Variants in EPHB3 observed in about 807,000 individuals in gnomAD.
EPHB3 encodes ephrin type-B receptor 3.
Under a neutral mutation model 100.2 loss-of-function variants are expected in EPHB3, and 33 were observed. That is an observed-to-expected ratio of 0.33 (90% confidence interval 0.25 to 0.44). The LOEUF (loss-of-function observed/expected upper bound fraction) is 0.44. Among genes scored for constraint, EPHB3 ranks in the 20% least tolerant of loss-of-function variants. The pLI is 1.00. For missense variants in EPHB3, 1,045 were observed against 1,378.3 expected (o/e 0.76, Z 3.83); for synonymous variants, 526 against 554.7 (o/e 0.95, Z 0.73).
At position 184,579,513 on chromosome 3, in the gene EPHB3, C is replaced by T. The variant is rs147540989; in HGVS notation, c.1838C>T (p.Thr613Ile). The change falls in exon 10 of 16, where the codon ACC becomes ATC. Residue 613 changes from threonine to isoleucine, a missense_variant. Physicochemically the swap from Thr to Ile is moderately conservative, Grantham distance 89. Around this residue, in one of 2 missense-constraint regions of EPHB3, gnomAD observed 985 missense variants for 1,331.1 expected, o/e 0.74. Transcript: ENST00000330394. The surrounding 1 kb of genome is among the most constrained non-coding windows in gnomAD (Gnocchi z 5.2). ...ATGAAGGTTTATATTGACCCTTTTA[C>T]CTACGAGGACCCTAATGAGGCTGTT... is the stretch of plus-strand genomic sequence containing the variant. Reference protein sequence around the residue: ...PGMKVYIDPFTYEDPNEAVRE... With the variant: ...PGMKVYIDPFIYEDPNEAVRE... 161 of 1,614,030 alleles carry T rather than the reference C, an allele frequency of 1.0e-4. 2 individuals carry two copies. The African/African-American group carries it at 2.0e-3, about 20-fold the overall frequency.
In EPHB3 at chr3:184,577,933, C is replaced by T. The variant is rs775751510; in HGVS notation, c.1675C>T (p.Leu559Phe). 1.2e-6 allele frequency: 2 copies of T among 1,614,080 alleles called. No homozygotes were observed. Among genetic ancestry groups the T allele is most frequent in the South Asian group, 1.1e-5 (1 of 91,088 alleles). ...CCAGCAGCTCCAGGAGCAGCTTCCC[C>T]TCATCGTGGGCTCCGCTACAGCTGG... is the stretch of plus-strand genomic sequence containing the variant. ...GAQQLQEQLP[L>F]IVGSATAGLV... is the part of the protein sequence containing the mutation. Residue 559 changes from leucine to phenylalanine, a missense_variant, in exon 8 of 16, where the codon CTC becomes TTC. This residue lies in a region of EPHB3 where 985 missense variants were observed against 1,331.1 expected (regional missense o/e 0.74). Transcript: ENST00000330394. This position sits in a 1 kb window ranked among gnomAD's most constrained non-coding sequence, Gnocchi z 4.9.
Position 184,569,006 on chromosome 3 carries a change from C to T in EPHB3, c.119-2312C>T, listed in dbSNP as rs991490409. On this transcript the variant is annotated intron_variant, in intron 1 of 15. Coordinates refer to ENST00000330394, the MANE Select transcript of EPHB3 (RefSeq NM_004443.4). This position sits in a 1 kb window ranked among gnomAD's most constrained non-coding sequence, Gnocchi z 5.4. ...CCGTCCCCTCCCTCCGCTCCCTCCTCCCGGAGCCAGCGCAGGGCTTGTTTT... is the reference window on the plus strand; with the variant it reads ...CCGTCCCCTCCCTCCGCTCCCTCCTTCCGGAGCCAGCGCAGGGCTTGTTTT... 6.6e-6 allele frequency among the ~76,000 whole-genome samples: 1 copy of T among 152,110 alleles called. No homozygotes were observed. Among genetic ancestry groups the T allele is most frequent in the African/African-American group, 2.4e-5 (1 of 41,444 alleles).
Position 184,578,047 on chromosome 3 carries a change from C to A in EPHB3, c.1748+41C>A. 2 of 1,604,662 alleles carry A rather than the reference C, an allele frequency of 1.2e-6. No individual in the cohort carries two copies. The highest frequency in any genetic ancestry group is 1.7e-6 in the Non-Finnish European group (2 of 1,173,592). ...CTGTTGCTCCATGGGCCGCCTCGAA[C>A]TGCCCTTTAGCATCCTAGAGCCCTC... On this transcript the variant is annotated intron_variant, in intron 8 of 15. Coordinates refer to ENST00000330394, the MANE Select transcript of EPHB3 (RefSeq NM_004443.4). The surrounding 1 kb of genome is among the most constrained non-coding windows in gnomAD (Gnocchi z 4.7).
In EPHB3 at chr3:184,562,335, G is replaced by A. The variant is rs1385124373; in HGVS notation, c.100G>A (p.Gly34Ser). 2.4e-6 allele frequency: 3 copies of A among 1,240,444 alleles called. No individual in the cohort carries two copies. The highest frequency in any genetic ancestry group is 3.2e-5 in the South Asian group (1 of 30,908). The allele number at this position is 1,240,444 out of a possible 1,614,324, so 76.8% of individuals were successfully genotyped here. A position where few individuals can be genotyped will look rare whatever the true frequency, so the allele number is the denominator to read the frequency against. The change falls in exon 1 of 16, where the codon GGC becomes AGC. Residue 34 changes from glycine to serine, a missense_variant. Transcript: ENST00000330394. This position sits in a 1 kb window ranked among gnomAD's most constrained non-coding sequence, Gnocchi z 4.8. ...LLLPLLLLPA[G>S]CRALEETLMD... ...GCTGCCGCTGCTGCTGCTGCCCGCC[G>A]GCTGCCGGGCGCTGGAAGGTGAGCG...
At position 184,562,437 on chromosome 3, in the gene EPHB3, T is replaced by C. The variant is rs1490202412; in HGVS notation, c.118+84T>C. ...GCTAGCAGCGTGGGTCCGACCCGGA[T>C]TGAGCGCACGTCGGAGGAGGCCCCG... On this transcript the variant is annotated intron_variant, in intron 1 of 15. Coordinates refer to ENST00000330394, the MANE Select transcript of EPHB3 (RefSeq NM_004443.4). The surrounding 1 kb of genome is among the most constrained non-coding windows in gnomAD (Gnocchi z 4.8). The C allele has an allele frequency of 2.7e-6, 3 of 1,126,006 alleles. No individual in the cohort carries two copies. The highest frequency in any genetic ancestry group is 5.0e-5 in the Admixed American group (1 of 20,032). The allele number at this position is 1,126,006 out of a possible 1,614,324, so 69.8% of individuals were successfully genotyped here. A position where few individuals can be genotyped will look rare whatever the true frequency, so the allele number is the denominator to read the frequency against.
Position 184,571,444 on chromosome 3 carries a change from C to G in EPHB3, c.183+62C>G. On this transcript the variant is annotated intron_variant, in intron 2 of 15. Transcript: ENST00000330394. This position sits in a 1 kb window ranked among gnomAD's most constrained non-coding sequence, Gnocchi z 5.0. Reference sequence around the variant, plus strand: ...CCATTAGGCCTCCCCCCACTTCCAGCCTCCGTGCCCCCTCATCTCACCAGG... The same window carrying G: ...CCATTAGGCCTCCCCCCACTTCCAGGCTCCGTGCCCCCTCATCTCACCAGG... 2 of 1,573,356 alleles carry G rather than the reference C, an allele frequency of 1.3e-6. No individual in the cohort carries two copies. The highest frequency in any genetic ancestry group is 1.7e-6 in the Non-Finnish European group (2 of 1,145,530).
intron 3 of EPHB3, 150 bp from the exon 4 acceptor site, chr3:184,575,680 G>A (rs1016241193): frequency 9.8e-7 from 1 of 1,016,762 alleles, no homozygotes; most frequent in Non-Finnish European, 1.4e-6. Context: ...GCTGCAGCTG[G>A]AGTTAGGCAA....
chr3:184,580,520 T>C lies in EPHB3; in HGVS notation c.2291T>C (p.Ile764Thr). Residue 764 changes from isoleucine to threonine, a missense_variant, in exon 12 of 16, where the codon ATC (isoleucine) becomes ACC (threonine). Ile to Thr is a moderately conservative substitution (Grantham distance 89). Around this residue, in one of 2 missense-constraint regions of EPHB3, gnomAD observed 985 missense variants for 1,331.1 expected, o/e 0.74. Coordinates refer to ENST00000330394, the MANE Select transcript of EPHB3 (RefSeq NM_004443.4). The stretch of plus-strand genomic sequence containing the variant: ...CACCGCGACCTGGCTGCTCGCAACA[T>C]CCTTGTCAACAGCAACCTGGTCTGC... ...YVHRDLAARN[I>T]LVNSNLVCKV... 1 of 1,614,182 alleles carries C rather than the reference T, an allele frequency of 6.2e-7. No homozygotes were observed. The highest frequency in any genetic ancestry group is 8.5e-7 in the Non-Finnish European group (1 of 1,180,028).
rs754850312 is a variant in EPHB3, at chr3:184,580,537, C to G, written c.2308C>G (p.Leu770Val). The change falls in exon 12 of 16, where the codon CTG becomes GTG. Residue 770 changes from leucine (L) to valine (V), a missense_variant. By Grantham distance (32) the Leu-to-Val change is conservative. Transcript: ENST00000330394. ...TCGCAACATCCTTGTCAACAGCAAC[C>G]TGGTCTGCAAAGTCTCAGACTTTGG... ...AARNILVNSNLVCKVSDFGLS... is the reference protein window; with the variant it reads ...AARNILVNSNVVCKVSDFGLS... 12 of 1,614,108 alleles carry G rather than the reference C, an allele frequency of 7.4e-6. No individual in the cohort carries two copies. The highest frequency in any genetic ancestry group is 1.3e-5 in the African/African-American group (1 of 74,942).
chr3:184,569,229 G>A lies in EPHB3; in HGVS notation c.119-2089G>A, dbSNP rs572047340. Among the ~76,000 whole-genome samples the A allele has an allele frequency of 1.4e-5, 2 of 141,104 alleles. No homozygotes were observed. Among genetic ancestry groups the A allele is most frequent in the African/African-American group, 2.6e-5 (1 of 38,872 alleles). 92.6% of individuals were successfully genotyped at this position (141,104 alleles called of 152,430 possible). A position where few individuals can be genotyped will look rare whatever the true frequency, so the allele number is the denominator to read the frequency against. On this transcript the variant is annotated intron_variant, in intron 1 of 15. Transcript: ENST00000330394. The surrounding 1 kb of genome is among the most constrained non-coding windows in gnomAD (Gnocchi z 5.4). ...GACCGGCGGGAGGACTGGCTGCGGG[G>A]GCAGGGCGCGCTTGCTCTGCCGGCT... is the stretch of plus-strand genomic sequence containing the variant.
chr3:184,577,938 C>G lies in EPHB3; in HGVS notation c.1680C>G (p.Ile560Met). The G allele has an allele frequency of 1.2e-6, 2 of 1,614,046 alleles. No individual in the cohort carries two copies. Residue 560 changes from isoleucine (I) to methionine (M), a missense_variant, in exon 8 of 16, where the codon ATC (isoleucine) becomes ATG (methionine). Around this residue, in one of 2 missense-constraint regions of EPHB3, gnomAD observed 985 missense variants for 1,331.1 expected, o/e 0.74. Transcript: ENST00000330394. The surrounding 1 kb of genome is among the most constrained non-coding windows in gnomAD (Gnocchi z 4.9). ...AQQLQEQLPL[I>M]VGSATAGLVF... ...AGCTCCAGGAGCAGCTTCCCCTCAT[C>G]GTGGGCTCCGCTACAGCTGGGCTTG... is the stretch of plus-strand genomic sequence containing the variant.
At position 184,571,957 on chromosome 3, in the gene EPHB3, C is replaced by T. The variant is rs750375946; in HGVS notation, c.184-547C>T. On this transcript the variant is annotated intron_variant, in intron 2 of 15. Transcript: ENST00000330394. The surrounding 1 kb of genome is among the most constrained non-coding windows in gnomAD (Gnocchi z 5.0). ...TGACCTTGGGCAAAACTCCCTTCTG[C>T]GAGCCTTGGCTTCCTCATCTCTAAA... 6.6e-5 allele frequency among the ~76,000 whole-genome samples: 10 copies of T among 152,210 alleles called. No homozygotes were observed. Among genetic ancestry groups the T allele is most frequent in the Non-Finnish European group, 1.2e-4 (8 of 68,044 alleles).
In EPHB3 at chr3:184,562,838, G is replaced by C. The variant is rs1225542092; in HGVS notation, c.118+485G>C. Among the ~76,000 whole-genome samples the C allele has an allele frequency of 6.6e-6, 1 of 152,348 alleles. No homozygotes were observed. The highest frequency in any genetic ancestry group is 1.9e-4 in the East Asian group (1 of 5,174). The stretch of plus-strand genomic sequence containing the variant: ...TGAGTGCGAGCACCCCGATTTGTCA[G>C]GGGACCGCTGCGGGGGCGGACAGGC... On this transcript the variant is annotated intron_variant, in intron 1 of 15. Transcript: ENST00000330394. This position sits in a 1 kb window ranked among gnomAD's most constrained non-coding sequence, Gnocchi z 4.8.
chr3:184,581,600 A>C lies in EPHB3; in HGVS notation c.2975A>C (p.Gln992Pro). 1 of 1,612,936 alleles carries C rather than the reference A, an allele frequency of 6.2e-7. No individual in the cohort carries two copies. Among genetic ancestry groups the C allele is most frequent in the Non-Finnish European group, 8.5e-7 (1 of 1,179,540 alleles). ...SIQDMRLQMN[Q>P]TLPVQV ...CAGGACATGCGGCTGCAGATGAACC[A>C]GACGCTGCCTGTGCAGGTCTGACAC... The change falls in exon 16 of 16, where the codon CAG (glutamine) becomes CCG (proline). Residue 992 changes from glutamine (Q) to proline (P), a missense_variant. Coordinates refer to ENST00000330394, the MANE Select transcript of EPHB3 (RefSeq NM_004443.4).
intron 1 of EPHB3, among the ~76,000 whole-genome samples, chr3:184,568,117 T>A (rs1714441466): frequency 6.6e-6 from 1 of 152,068 alleles, no homozygotes; most frequent in African/African-American, 2.4e-5. Context: ...ATGCTGCGCG[T>A]GCATCTGTGT....
Position 184,562,392 on chromosome 3 carries a change from C to T in EPHB3, c.118+39C>T. 1 of 1,199,598 alleles carries T rather than the reference C, an allele frequency of 8.3e-7. No individual in the cohort carries two copies. The highest frequency in any genetic ancestry group is 1.0e-6 in the Non-Finnish European group (1 of 967,512). 74.3% of individuals were successfully genotyped at this position (1,199,598 alleles called of 1,614,324 possible). A position where few individuals can be genotyped will look rare whatever the true frequency, so the allele number is the denominator to read the frequency against. ...GGGGGCGCGCCCGGGAACAAGGTGC[C>T]TGGGGTCGCGGGGCTGCGGGCTAGC... On this transcript the variant is annotated intron_variant, in intron 1 of 15. Coordinates refer to ENST00000330394, the MANE Select transcript of EPHB3 (RefSeq NM_004443.4). The surrounding 1 kb of genome is among the most constrained non-coding windows in gnomAD (Gnocchi z 4.8).
chr3:184,569,220 G>GGCGGGAGGACTA lies in EPHB3; in HGVS notation c.119-2096_119-2095insGGGAGGACTAGC, dbSNP rs1270760036. ...CGGCGGGCGGACCGGCGGGAGGACT[G>GGCGGGAGGACTA]GCTGCGGGGGCAGGGCGCGCTTGCT... On this transcript the variant is annotated intron_variant, in intron 1 of 15. Transcript: ENST00000330394. This position sits in a 1 kb window ranked among gnomAD's most constrained non-coding sequence, Gnocchi z 5.4. Among the ~76,000 whole-genome samples, 10 of 152,042 alleles carry GGCGGGAGGACTA rather than the reference G, an allele frequency of 6.6e-5. No individual in the cohort carries two copies. The highest frequency in any genetic ancestry group is 2.4e-4 in the African/African-American group (10 of 41,502).
At chr3:184,570,847 T>G (rs1240003788) in intron 1 of EPHB3, among the ~76,000 whole-genome samples, 1 of 152,132 alleles carries the variant, frequency 6.6e-6, no homozygotes, top group African/African-American at 2.4e-5. Context: ...GTGACATCTC[T>G]GGGGATGGCC....
rs936567382 is a variant in EPHB3, at chr3:184,573,961, C to T, written c.856+785C>T. On this transcript the variant is annotated intron_variant, in intron 3 of 15. Coordinates refer to ENST00000330394, the MANE Select transcript of EPHB3 (RefSeq NM_004443.4). This position sits in a 1 kb window ranked among gnomAD's most constrained non-coding sequence, Gnocchi z 4.5. ...AACTCCTGACCTCAAGTGATCCACC[C>T]GCCTCGGCCTCCCAAAGCGTTGGGA... is the stretch of plus-strand genomic sequence containing the variant. 3.9e-5 allele frequency among the ~76,000 whole-genome samples: 6 copies of T among 152,076 alleles called. No homozygotes were observed. Among genetic ancestry groups the T allele is most frequent in the African/African-American group, 9.7e-5 (4 of 41,404 alleles).
Sources: allele counts gnomAD v4.1 joint callset (sites outside exome capture counted in the v4.1 genomes callset), GRCh38; gene constraint gnomAD v4.1.1; regional missense constraint gnomAD v4.1.1; non-coding constraint Gnocchi (gnomAD v3.1); transcripts MANE v1.5; gene names NCBI Gene and HGNC (gene_info 2026-07-23, HGNC 2026-07-21).